Variants in PCDHGA5 observed in about 807,000 individuals in gnomAD.
The protein encoded by PCDHGA5 is protocadherin gamma subfamily A, 5.
A neutral mutation model predicts 56.7 loss-of-function variants in PCDHGA5; 36 were observed. The ratio of observed to expected loss-of-function variants is 0.64; its 90% CI spans 0.49 to 0.84. The LOEUF (loss-of-function observed/expected upper bound fraction) is 0.84, where lower values mean the gene tolerates loss of function less well. Ranked by LOEUF, PCDHGA5 falls within the 40% of genes least tolerant of loss-of-function variation. PCDHGA5 has a pLI of 0.00. For missense variants in PCDHGA5, 1,305 were observed against 1,201.5 expected, an observed-to-expected ratio of 1.09 and a Z score of -1.27; for synonymous variants, 563 against 520.2, an observed-to-expected ratio of 1.08 and a Z score of -1.12.
chr5:141,481,842 T>C (rs1402237517), intron 1 of PCDHGA5, among the ~76,000 whole-genome samples: 1 of 144,038 alleles, frequency 6.9e-6, no homozygotes, highest in Non-Finnish European at 1.5e-5. Flanking sequence ...AATCGCTTGA[T>C]GGTGGAGGTT....
chr5:141,404,499 C>T lies in PCDHGA5; in HGVS notation c.2421+37748C>T, dbSNP rs147632103. ...AACTCAGACACTGGTGTGCTGTATG[C>T]TCTGTGCTCCTTTGACTATGAGCAG... On this transcript the variant is annotated intron_variant, in intron 1 of 3. Coordinates refer to ENST00000518069, the MANE Select transcript of PCDHGA5 (RefSeq NM_018918.3). 1.0e-4 allele frequency: 163 copies of T among 1,613,840 alleles called. 1 individual carries two copies. The East Asian group carries it at 3.6e-3, about 36-fold the overall frequency.
intron 1 of PCDHGA5, among the ~76,000 whole-genome samples, chr5:141,482,526 C>T (rs1198022164): frequency 1.5e-5 from 1 of 68,582 alleles, no homozygotes; most frequent in African/African-American, 9.7e-5. Flanking sequence ...ATGAGACAGA[C>T]ATGCAAAAAA....
intron 1 of PCDHGA5, chr5:141,399,894 C>T (rs201911174): frequency 1.9e-6 from 3 of 1,612,570 alleles, no homozygotes; most frequent in Non-Finnish European, 2.5e-6. Context: ...AGGTAGTGGC[C>T]GTGGACGCAG....
rs70988800 is a variant in PCDHGA5, at chr5:141,379,889, C to CTT, written c.2421+13167_2421+13168dup. On this transcript the variant is annotated intron_variant, in intron 1 of 3. Transcript: ENST00000518069. ...CTTATTTTATGGTCTGTGAAAGCCT[C>CTT]TTTTTTTTTTTTTTTTTTTTTTTTT... Among the ~76,000 whole-genome samples the CTT allele has an allele frequency of 2.1e-3, 106 of 50,824 alleles. 11 individuals carry two copies. Among genetic ancestry groups the CTT allele is most frequent in the East Asian group, 2.5e-3 (4 of 1,606 alleles). 33.3% of individuals were successfully genotyped at this position (50,824 alleles called of 152,430 possible).
chr5:141,451,739 G>A (rs1343538104), intron 1 of PCDHGA5, among the ~76,000 whole-genome samples: 1 of 152,082 alleles, frequency 6.6e-6, no homozygotes, highest in East Asian at 1.9e-4. Flanking sequence ...AAAATTAGCT[G>A]GTCTGGTGGT....
Position 141,366,617 on chromosome 5 carries a change from T to G in PCDHGA5, c.2287T>G (p.Ser763Ala), listed in dbSNP as rs768444252. 5.0e-6 allele frequency: 8 copies of G among 1,614,120 alleles called. No individual in the cohort carries two copies. The African/African-American group carries it at 1.1e-4, about 22-fold the overall frequency. Residue 763 changes from serine (S) to alanine (A), a missense_variant, in exon 1 of 4, where the codon TCG becomes GCG. Transcript: ENST00000518069. The part of the protein sequence containing the change: ...YSHEVSLTAD[S>A]RKSHLIFPQP... ...CCACGAGGTCTCCCTCACCGCGGAC[T>G]CGAGGAAGAGTCACCTGATCTTTCC...
intron 1 of PCDHGA5, among the ~76,000 whole-genome samples, chr5:141,380,766 T>C (rs1403335185): frequency 1.3e-5 from 2 of 152,224 alleles, no homozygotes; most frequent in Admixed American, 1.3e-4. Context: ...TATAAATTAA[T>C]TGAGACTTTT....
At chr5:141,475,983 C>T in intron 1 of PCDHGA5, 2 of 1,049,240 alleles carry the variant, frequency 1.9e-6, no homozygotes, top group Non-Finnish European at 2.8e-6. Context: ...GAACAGCCGG[C>T]GAGCAAATCA....
rs533830391 is a variant in PCDHGA5, at chr5:141,492,559, C to T, written c.2422-2248C>T. 4.6e-5 allele frequency among the ~76,000 whole-genome samples: 7 copies of T among 152,292 alleles called. No homozygotes were observed. The East Asian group carries it at 1.4e-3, about 29-fold the overall frequency. The stretch of plus-strand genomic sequence containing the variant: ...GGGCTGGGCCGGGTCGCCTGGGGGG[C>T]GGCCTGAGCGAGGCGCGGGGCCAGG... On this transcript the variant is annotated intron_variant, in intron 1 of 3. Coordinates refer to ENST00000518069, the MANE Select transcript of PCDHGA5 (RefSeq NM_018918.3).
intron 2 of PCDHGA5, among the ~76,000 whole-genome samples, chr5:141,504,968 C>A (rs1377016827): frequency 1.3e-5 from 2 of 152,206 alleles, no homozygotes; most frequent in East Asian, 3.9e-4. Context: ...ATTGGACCAG[C>A]CTGGCCAACA....
intron 1 of PCDHGA5, among the ~76,000 whole-genome samples, chr5:141,450,832 T>TTATTA (rs764784095): frequency 5.6e-5 from 8 of 142,316 alleles, no homozygotes; most frequent in African/African-American, 2.2e-4. Context: ...TATTATTATT[T>TTATTA]TTTTTTTTTT....
chr5:141,399,195 G>A (rs773731727), intron 1 of PCDHGA5: 5 of 1,613,852 alleles, frequency 3.1e-6, no homozygotes, highest in Non-Finnish European at 4.2e-6. Context: ...TGGAAAACGC[G>A]GTGCCTGGAA....
intron 1 of PCDHGA5, chr5:141,433,325 C>CA: frequency 2.8e-6 from 2 of 726,266 alleles, no homozygotes; most frequent in Non-Finnish European, 4.5e-6. Context: ...TCCGGTGTAA[C>CA]AGGGACTACA....
intron 1 of PCDHGA5, chr5:141,423,597 G>A: frequency 6.2e-7 from 1 of 1,613,188 alleles, no homozygotes; most frequent in Non-Finnish European, 8.5e-7. Context: ...AGAAAAGCGA[G>A]CCACTCTTGA....
intron 1 of PCDHGA5, among the ~76,000 whole-genome samples, chr5:141,400,951 C>A (rs991607511): frequency 6.6e-6 from 1 of 152,174 alleles, no homozygotes; most frequent in Non-Finnish European, 1.5e-5. Flanking sequence ...ACTGATTTCA[C>A]TGGTAGTTTT....
Position 141,491,048 on chromosome 5 carries a change from C to T in PCDHGA5, c.2422-3759C>T, listed in dbSNP as rs755163825. The T allele has an allele frequency of 7.4e-6, 12 of 1,613,948 alleles. No individual in the cohort carries two copies. Among genetic ancestry groups the T allele is most frequent in the South Asian group, 4.4e-5 (4 of 91,090 alleles). ...GTGGATGCTGATGCAGGCCACAATG[C>T]GTGGCTCTCCTACTCACTGTTGCCA... On this transcript the variant is annotated intron_variant, in intron 1 of 3. Coordinates refer to ENST00000518069, the MANE Select transcript of PCDHGA5 (RefSeq NM_018918.3). The surrounding 1 kb of genome is among the most constrained non-coding windows in gnomAD (Gnocchi z 6.9).
rs552017054 is a variant in PCDHGA5 at position 141,425,594 on chromosome 5, A to G, written c.2421+58843A>G. On this transcript the variant is annotated intron_variant, in intron 1 of 3. Transcript: ENST00000518069. ...GGGTTTGGCTAACTTTATTCTGAAT[A>G]TGCCCTATATAGCTTTCAGTGCTCC... 2.6e-5 allele frequency among the ~76,000 whole-genome samples: 4 copies of G among 152,370 alleles called. No homozygotes were observed. In the South Asian group the frequency reaches 8.3e-4, roughly 32 times the overall value.
rs934206266 is a variant in PCDHGA5, at chr5:141,483,131, G to A, written c.2422-11676G>A. Among the ~76,000 whole-genome samples, 14 of 152,274 alleles carry A rather than the reference G, an allele frequency of 9.2e-5. No individual in the cohort carries two copies. The South Asian group carries it at 2.9e-3, about 32-fold the overall frequency. On this transcript the variant is annotated intron_variant, in intron 1 of 3. Transcript: ENST00000518069. ...AACAGACAGTCTTTGTAGGAGATGA[G>A]GTGAAGCAAGTAGGCAGGAGTTAGA...
At chr5:141,420,537 T>C (rs1246315357) in intron 1 of PCDHGA5, 2 of 317,450 alleles carry the variant, frequency 6.3e-6, no homozygotes, top group Non-Finnish European at 1.1e-5. Context: ...GTTAAAAATA[T>C]AAAATACAGG....
Sources: gnomAD v4.1 joint callset for allele counts (sites outside exome capture counted in the v4.1 genomes callset) on GRCh38, gnomAD v4.1.1 for gene constraint, Gnocchi (gnomAD v3.1) non-coding constraint, MANE v1.5 for transcripts, NCBI Gene and HGNC (gene_info 2026-07-23, HGNC 2026-07-21) for gene names.